PRKG1: variants seen among roughly 807,000 people sequenced by gnomAD.
PRKG1 encodes protein kinase cGMP-dependent 1, also known as cGMP-dependent protein kinase 1.
Under a neutral mutation model 88.1 loss-of-function variants are expected in PRKG1, and 35 were observed. The ratio of observed to expected loss-of-function variants is 0.40; its 90% confidence interval spans 0.30 to 0.53. PRKG1 has a LOEUF of 0.53. Among genes scored for constraint, PRKG1 ranks in the 20% least tolerant of loss-of-function variants. PRKG1 has a pLI of 0.59. For missense variants in PRKG1, 540 were observed against 839.8 expected, an observed-to-expected ratio of 0.64 and a Z score of 4.41; for synonymous variants, 303 against 292.5, an observed-to-expected ratio of 1.04 and a Z score of -0.37.
intron 3 of PRKG1, among the ~76,000 whole-genome samples, chr10:51,599,283 G>A (rs983122689): frequency 1.3e-5 from 2 of 152,056 alleles, no homozygotes; most frequent in Non-Finnish European, 2.9e-5. Context: ...AGTGGGTAGT[G>A]GCCAGAGGCA....
chr10:51,919,830 C>A (rs1404596885), intron 5 of PRKG1, among the ~76,000 whole-genome samples: 1 of 152,140 alleles, frequency 6.6e-6, no homozygotes, highest in African/African-American at 2.4e-5. Context: ...AGTACCTAAG[C>A]ACAGGGTATG....
intron 3 of PRKG1, among the ~76,000 whole-genome samples, chr10:51,530,781 C>A (rs574484582): frequency 1.3e-5 from 2 of 152,162 alleles, no homozygotes; most frequent in Non-Finnish European, 2.9e-5. Context: ...ACCTTCCACC[C>A]ACCCCAAGAA....
Position 52,289,001 on chromosome 10 carries a change from T to C in PRKG1, c.1895+8T>C. The stretch of plus-strand genomic sequence containing the variant: ...AGACATTCAAAAGCACAAGTAAGTG[T>C]TCTTTCTGCAGAGTTCTGAACACGT... On this transcript the variant is annotated splice_region_variant and intron_variant, in intron 16 of 17. Transcript: ENST00000373980. 1 of 1,605,512 alleles carries C rather than the reference T, an allele frequency of 6.2e-7. No homozygotes were observed. The highest frequency in any genetic ancestry group is 8.5e-7 in the Non-Finnish European group (1 of 1,174,262).
chr10:52,137,427 T>C (rs1485759390), intron 8 of PRKG1, among the ~76,000 whole-genome samples: 1 of 152,024 alleles, frequency 6.6e-6, no homozygotes, highest in Non-Finnish European at 1.5e-5. Context: ...TAAAAAACAA[T>C]TAAGTACCTT....
At chr10:52,099,651 C>G (rs929613378) in intron 7 of PRKG1, among the ~76,000 whole-genome samples, 4 of 152,164 alleles carry the variant, frequency 2.6e-5, no homozygotes, top group African/African-American at 9.7e-5. Flanking sequence ...ATTCAATCTA[C>G]ATCACACAAA....
intron 7 of PRKG1, among the ~76,000 whole-genome samples, chr10:52,101,562 G>A (rs1397432250): frequency 1.3e-5 from 2 of 152,142 alleles, no homozygotes; most frequent in Non-Finnish European, 2.9e-5. Context: ...TAGTAATATA[G>A]TAATCAACAT....
intron 5 of PRKG1, among the ~76,000 whole-genome samples, chr10:51,986,471 G>A (rs549141373): frequency 7.9e-5 from 12 of 152,194 alleles, no homozygotes; most frequent in Non-Finnish European, 1.2e-4. Flanking sequence ...TTTTTGATGA[G>A]CACTTTCTCA....
intron 1 of PRKG1, among the ~76,000 whole-genome samples, chr10:51,095,105 A>G (rs1214044731): frequency 6.6e-6 from 1 of 152,150 alleles, no homozygotes; most frequent in Admixed American, 6.6e-5. Context: ...CCCCTTCATT[A>G]TACAATTAAT....
At chr10:51,246,524 A>G (rs1345841630) in intron 2 of PRKG1, among the ~76,000 whole-genome samples, 1 of 150,400 alleles carries the variant, frequency 6.6e-6, no homozygotes, top group Non-Finnish European at 1.5e-5. Flanking sequence ...AGACACTGAC[A>G]GTATGGCCAG....
At chr10:51,652,376 T>C (rs996661832) in intron 3 of PRKG1, among the ~76,000 whole-genome samples, 1 of 151,914 alleles carries the variant, frequency 6.6e-6, no homozygotes, top group African/African-American at 2.4e-5. Context: ...ATTGATTGGC[T>C]TGTAATTGGA....
intron 3 of PRKG1, among the ~76,000 whole-genome samples, chr10:51,644,256 T>C (rs1185313794): frequency 6.6e-6 from 1 of 152,176 alleles, no homozygotes; most frequent in Non-Finnish European, 1.5e-5. Flanking sequence ...TGGATCAAGA[T>C]TCTGTTTTGT....
intron 2 of PRKG1, among the ~76,000 whole-genome samples, chr10:51,294,369 A>G (rs1840663238): frequency 1.3e-5 from 2 of 152,064 alleles, no homozygotes; most frequent in Non-Finnish European, 2.9e-5. Context: ...TTAAGTCTTT[A>G]GTTCATTTTG....
At position 51,129,756 on chromosome 10, in the gene PRKG1, C is replaced by T. The variant is rs1845517917; in HGVS notation, c.312-23408C>T. ...CATTGAATTTGATGCCTTTTGGTAG[C>T]CACGTTGCCACAATATTCTCCAATC... On this transcript the variant is annotated intron_variant, in intron 1 of 17. Coordinates refer to ENST00000373980, the MANE Select transcript of PRKG1 (RefSeq NM_006258.4). Among the ~76,000 whole-genome samples, 4 of 152,154 alleles carry T rather than the reference C, an allele frequency of 2.6e-5. No individual in the cohort carries two copies. The South Asian group carries it at 8.3e-4, about 32-fold the overall frequency.
intron 3 of PRKG1, among the ~76,000 whole-genome samples, chr10:51,740,138 C>T (rs10999177): frequency 6.6e-6 from 1 of 152,270 alleles, no homozygotes; most frequent in East Asian, 1.9e-4. Flanking sequence ...AGTGATCCCC[C>T]CATCTCAGCA....
At chr10:51,979,682 G>A (rs1726213398) in intron 5 of PRKG1, among the ~76,000 whole-genome samples, 1 of 140,824 alleles carries the variant, frequency 7.1e-6, no homozygotes, top group South Asian at 2.3e-4. Flanking sequence ...TTCATTATTG[G>A]TCTGATCAGG....
intron 9 of PRKG1, among the ~76,000 whole-genome samples, chr10:52,174,100 G>GT (rs34566028): frequency 0.42 from 60,406 of 143,702 alleles, 13,375 homozygotes; most frequent in African/African-American, 0.62. Context: ...TAGTAATCAG[G>GT]TTTTTTTAAT....
intron 2 of PRKG1, among the ~76,000 whole-genome samples, chr10:51,287,941 T>C: frequency 6.6e-6 from 1 of 152,140 alleles, no homozygotes; most frequent in South Asian, 2.1e-4. Context: ...AATACCAGGC[T>C]TTTATAAAAG....
intron 9 of PRKG1, among the ~76,000 whole-genome samples, chr10:52,164,429 G>A (rs971258447): frequency 1.3e-5 from 2 of 152,000 alleles, no homozygotes; most frequent in Non-Finnish European, 2.9e-5. Context: ...ATACCTTAGT[G>A]CATTTGACAT....
intron 2 of PRKG1, among the ~76,000 whole-genome samples, chr10:51,291,489 T>C (rs1405222404): frequency 1.3e-5 from 2 of 152,194 alleles, no homozygotes; most frequent in African/African-American, 4.8e-5. Flanking sequence ...AGTGTCTCTC[T>C]TCAGCATCAA....
Sources: gnomAD v4.1 joint callset for allele counts (sites outside exome capture counted in the v4.1 genomes callset) on GRCh38, gnomAD v4.1.1 for gene constraint, MANE v1.5 for transcripts, NCBI Gene and HGNC (gene_info 2026-07-23, HGNC 2026-07-21) for gene names.